Variants in FLI1 observed in about 807,000 individuals in gnomAD.
FLI1 encodes Fli-1 proto-oncogene, ETS transcription factor.
In FLI1, 13 loss-of-function variants were observed where a neutral mutation model predicts 53.1. That is an observed-to-expected ratio of 0.24 (90% CI 0.16 to 0.39). The LOEUF is 0.39. Ranked by LOEUF, FLI1 falls within the 10% of genes least tolerant of loss-of-function variation. FLI1 has a pLI of 1.00. For synonymous variants in FLI1, 244 were observed against 236.7 expected (o/e 1.03, Z -0.28); for missense variants, 424 against 600.5 (o/e 0.71, Z 3.07).
chr11:128,736,035 T>A (rs931441958), intron 1 of FLI1, among the ~76,000 whole-genome samples: 2 of 152,144 alleles, frequency 1.3e-5, no homozygotes, highest in African/African-American at 2.4e-5. Flanking sequence ...TAGGCAGAGA[T>A]TCCTTAGACA....
intron 5 of FLI1, among the ~76,000 whole-genome samples, chr11:128,783,170 A>T (rs1054860370): frequency 6.6e-6 from 1 of 152,220 alleles, no homozygotes; most frequent in African/African-American, 2.4e-5. Flanking sequence ...AGGATCAGTT[A>T]CATATAGCAC....
chr11:128,707,302 C>T (rs1057201439), intron 1 of FLI1, among the ~76,000 whole-genome samples: 7 of 152,216 alleles, frequency 4.6e-5, no homozygotes, highest in African/African-American at 1.7e-4. Context: ...TGCTAACCTG[C>T]CCTTCGACTT....
intron 1 of FLI1, among the ~76,000 whole-genome samples, chr11:128,735,770 T>G (rs1042000836): frequency 3.9e-5 from 6 of 152,328 alleles, no homozygotes; most frequent in Non-Finnish European, 7.3e-5. Context: ...CCCCCACCTT[T>G]AGATGCCAAG....
intron 5 of FLI1, among the ~76,000 whole-genome samples, chr11:128,794,059 TG>T (rs1410701388): frequency 1.3e-5 from 2 of 152,186 alleles, no homozygotes; most frequent in African/African-American, 2.4e-5. Flanking sequence ...CTGCAGACTC[TG>T]GGATGTTACT....
chr11:128,693,969 AGAGAGAGAGAGAG>A (rs2135683558), upstream of FLI1: 1 of 359,076 alleles, frequency 2.8e-6, no homozygotes, highest in South Asian at 1.1e-4. Flanking sequence ...AGAGAGAGAG[AGAGAGAGAGAGAG>A]AGAGAGAGAG....
intron 1 of FLI1, among the ~76,000 whole-genome samples, chr11:128,687,637 G>A (rs1211621273): frequency 5.3e-5 from 8 of 152,212 alleles, no homozygotes; most frequent in African/African-American, 1.7e-4. Flanking sequence ...GAGCTCCCTC[G>A]AGTGTCGGGC....
At chr11:128,760,520 C>CTTA (rs1565486162) in intron 2 of FLI1, among the ~76,000 whole-genome samples, 10 of 103,590 alleles carry the variant, frequency 9.7e-5, no homozygotes, top group Non-Finnish European at 7.9e-5. Flanking sequence ...GTGGAGATTC[C>CTTA]TTTTTTTTTT....
Position 128,810,840 on chromosome 11 carries a change from A to C in FLI1, c.1211A>C (p.His404Pro). Residue 404 changes from histidine (H) to proline (P), a missense_variant, in exon 9 of 9, where the codon CAT becomes CCT. By Grantham distance (77) the His-to-Pro change is moderately conservative. Transcript: ENST00000527786. The surrounding 1 kb of genome is among the most constrained non-coding windows in gnomAD (Gnocchi z 6.6). Reference sequence around the variant, plus strand: ...CAGAAGGTGAACTTTGTCCCTCCCCATCCATCCTCCATGCCTGTCACTTCC... The same window carrying C: ...CAGAAGGTGAACTTTGTCCCTCCCCCTCCATCCTCCATGCCTGTCACTTCC... ...HQQKVNFVPPHPSSMPVTSSS... is the reference protein window; with the variant it reads ...HQQKVNFVPPPPSSMPVTSSS... 2 of 1,613,818 alleles carry C rather than the reference A, an allele frequency of 1.2e-6. No homozygotes were observed. The highest frequency in any genetic ancestry group is 2.2e-5 in the South Asian group (2 of 91,072).
intron 1 of FLI1, among the ~76,000 whole-genome samples, chr11:128,741,211 T>A (rs1302706220): frequency 6.6e-6 from 1 of 152,112 alleles, no homozygotes; most frequent in East Asian, 1.9e-4. Flanking sequence ...CTGGCAAACA[T>A]AACGAAACCC....
At chr11:128,696,709 G>T (rs187876350) in intron 1 of FLI1, among the ~76,000 whole-genome samples, 1 of 152,216 alleles carries the variant, frequency 6.6e-6, no homozygotes, top group East Asian at 1.9e-4. Flanking sequence ...ACAAATCCAG[G>T]GTGTCCATTT....
At position 128,810,462 on chromosome 11, in the gene FLI1, G is replaced by A. The variant is rs1425076357; in HGVS notation, c.833G>A (p.Ser278Asn). 1.9e-6 allele frequency: 3 copies of A among 1,591,444 alleles called. No homozygotes were observed. Among genetic ancestry groups the A allele is most frequent in the Non-Finnish European group, 2.6e-6 (3 of 1,168,438 alleles). The change falls in exon 9 of 9, where the codon AGC (serine) becomes AAC (asparagine). Residue 278 changes from serine to asparagine, a missense_variant. By Grantham distance (46) the Ser-to-Asn change is conservative. Around this residue, in one of 5 missense-constraint regions of FLI1, gnomAD observed 71 missense variants for 174.2 expected, o/e 0.41. Transcript: ENST00000527786. The surrounding 1 kb of genome is among the most constrained non-coding windows in gnomAD (Gnocchi z 6.6). The stretch of plus-strand genomic sequence containing the variant: ...CCGTTTGCCTCACGGCGTGCAGGAA[G>A]CGGGCAGATCCAGCTGTGGCAATTC... ...PTSSRLANPG[S>N]GQIQLWQFLL...
chr11:128,694,185 A>C lies in FLI1; in HGVS notation c.-74A>C. 6.7e-7 allele frequency: 1 copy of C among 1,489,068 alleles called. No homozygotes were observed. Among genetic ancestry groups the C allele is most frequent in the South Asian group, 1.3e-5 (1 of 76,020 alleles). The allele number at this position is 1,489,068 out of a possible 1,614,324, so 92.2% of individuals were successfully genotyped here. A position where few individuals can be genotyped will look rare whatever the true frequency, so the allele number is the denominator to read the frequency against. On this transcript the variant is annotated 5_prime_UTR_variant, in exon 1 of 9. Transcript: ENST00000527786. The stretch of plus-strand genomic sequence containing the variant: ...AGGGAGGCCGCGCCGGGCTAATCCG[A>C]AGGGGCTGCGAGGTCAGGCTGTAAC...
chr11:128,712,206 G>A (rs950371617), intron 1 of FLI1, among the ~76,000 whole-genome samples: 1 of 152,122 alleles, frequency 6.6e-6, no homozygotes, highest in Admixed American at 6.5e-5. Context: ...AAAAGAGTCT[G>A]GGACCTCCTC....
intron 5 of FLI1, among the ~76,000 whole-genome samples, chr11:128,785,525 C>T (rs1250448465): frequency 1.3e-5 from 2 of 152,062 alleles, no homozygotes; most frequent in Non-Finnish European, 2.9e-5. Flanking sequence ...CTTCCAGCTG[C>T]CATTCTGCAA....
chr11:128,780,307 A>G (rs519529), intron 4 of FLI1, among the ~76,000 whole-genome samples: 17,687 of 152,238 alleles, frequency 0.12, 2,306 homozygotes, highest in African/African-American at 0.32. Context: ...ATTCTAGGCA[A>G]TTGGACAATT....
chr11:128,773,009 G>T (rs1164935705), intron 4 of FLI1, 24 bp downstream of exon 4: 2 of 1,607,632 alleles, frequency 1.2e-6, no homozygotes, highest in Non-Finnish European at 8.5e-7. Context: ...AAGTACCCAG[G>T]GCTGGGAGGA....
intron 5 of FLI1, among the ~76,000 whole-genome samples, chr11:128,793,686 G>T (rs61909389): frequency 0.1 from 15,333 of 152,246 alleles, 931 homozygotes; most frequent in East Asian, 0.27. Flanking sequence ...TATCAGAGCT[G>T]CCCTTAAATG....
upstream of FLI1, chr11:128,686,447 G>T (rs549280344): frequency 1.3e-5 from 6 of 456,322 alleles, no homozygotes; most frequent in East Asian, 4.2e-4. Context: ...GCCCGGGGAC[G>T]GGACTGAGGC....
At chr11:128,751,641 C>G (rs1481951183) in intron 1 of FLI1, among the ~76,000 whole-genome samples, 1 of 152,080 alleles carries the variant, frequency 6.6e-6, no homozygotes, top group East Asian at 1.9e-4. Flanking sequence ...ATTCTCCCAC[C>G]TCAGCCTCCC....
Sources: allele counts gnomAD v4.1 joint callset (sites outside exome capture counted in the v4.1 genomes callset), GRCh38; gene constraint gnomAD v4.1.1; regional missense constraint gnomAD v4.1.1; non-coding constraint Gnocchi (gnomAD v3.1); transcripts MANE v1.5; gene names NCBI Gene and HGNC (gene_info 2026-07-23, HGNC 2026-07-21).